The following DZIP1 variants were observed in gnomAD, a reference collection of about 807,000 sequenced individuals.
DZIP1 encodes DAZ interacting zinc finger protein 1.
Under a neutral mutation model 107.6 loss-of-function variants are expected in DZIP1, and 97 were observed. That is an observed-to-expected ratio of 0.90 (90% CI 0.77 to 1.07). The LOEUF (loss-of-function observed/expected upper bound fraction) is 1.07. DZIP1 is among the 50% of genes least tolerant of loss of function. The probability of loss-of-function intolerance (pLI) is 0.00; values close to 1 mark genes in which losing one functional copy is unlikely to be tolerated. For missense variants in DZIP1, 1,035 were observed against 1,063.6 expected, an observed-to-expected ratio of 0.97 and a Z score of 0.37; for synonymous variants, 390 against 386.4, an observed-to-expected ratio of 1.01 and a Z score of -0.11.
At chr13:95,603,578 G>A (rs996531282) in intron 14 of DZIP1, among the ~76,000 whole-genome samples, 1 of 152,028 alleles carries the variant, frequency 6.6e-6, no homozygotes, top group African/African-American at 2.4e-5. Context: ...CAGTTTAACA[G>A]CAACAAAGTA....
intron 16 of DZIP1, among the ~76,000 whole-genome samples, chr13:95,592,955 A>AG (rs2044351779): frequency 6.6e-6 from 1 of 152,184 alleles, no homozygotes; most frequent in African/African-American, 2.4e-5. Flanking sequence ...ATTGGGAAGT[A>AG]GGGGGTGATA....
intron 13 of DZIP1, among the ~76,000 whole-genome samples, chr13:95,606,678 G>A (rs1435584832): frequency 6.6e-6 from 1 of 152,164 alleles, no homozygotes; most frequent in African/African-American, 2.4e-5. Flanking sequence ...CTGTTTAGCT[G>A]TTATGAATAA....
At chr13:95,620,701 A>G (rs1254846008) in intron 9 of DZIP1, among the ~76,000 whole-genome samples, 1 of 152,194 alleles carries the variant, frequency 6.6e-6, no homozygotes, top group Non-Finnish European at 1.5e-5. Context: ...GTAACACTTT[A>G]TTTGCAAAAG....
chr13:95,618,373 A>G (rs1409415234), intron 10 of DZIP1, among the ~76,000 whole-genome samples: 2 of 152,234 alleles, frequency 1.3e-5, no homozygotes, highest in East Asian at 1.9e-4. Flanking sequence ...GTATATGTGT[A>G]TATCTATAGA....
chr13:95,620,697 C>A (rs934528216), intron 9 of DZIP1, among the ~76,000 whole-genome samples: 2 of 152,150 alleles, frequency 1.3e-5, no homozygotes, highest in African/African-American at 4.8e-5. Flanking sequence ...GCCAGTAACA[C>A]TTTATTTGCA....
At chr13:95,624,602 T>C (rs748085668) in intron 8 of DZIP1, among the ~76,000 whole-genome samples, 166 bp downstream of exon 8, 2 of 152,164 alleles carry the variant, frequency 1.3e-5, no homozygotes, top group South Asian at 4.1e-4. Flanking sequence ...GCAAAACATC[T>C]CTGACTCACT....
chr13:95,603,511 G>T (rs139513773), intron 14 of DZIP1, among the ~76,000 whole-genome samples: 2 of 152,038 alleles, frequency 1.3e-5, no homozygotes, highest in East Asian at 1.9e-4. Flanking sequence ...TGCACTCGTC[G>T]CTCTAAAAGT....
In DZIP1 at chr13:95,590,554, G is replaced by T. The variant is rs2044284941; in HGVS notation, c.1681-113C>A. ...AATCCATCCTTACAGGGCTCCAGTT[G>T]TGTGTAGAGGGTAAGGGTGCCCCAA... is the stretch of plus-strand genomic sequence containing the variant. On this transcript the variant is annotated intron_variant, in intron 16 of 22. Coordinates refer to ENST00000376829, the MANE Select transcript of DZIP1 (RefSeq NM_198968.4). 6.4e-6 allele frequency: 7 copies of T among 1,095,868 alleles called. No homozygotes were observed. The African/African-American group carries it at 8.0e-5, about 12-fold the overall frequency. 67.9% of individuals were successfully genotyped at this position (1,095,868 alleles called of 1,614,324 possible). A position where few individuals can be genotyped will look rare whatever the true frequency, so the allele number is the denominator to read the frequency against.
At chr13:95,611,931 C>T (rs1240335209) in intron 11 of DZIP1, 106 bp downstream of exon 11, 1 of 1,374,560 alleles carries the variant, frequency 7.3e-7, no homozygotes, top group Admixed American at 2.6e-5. Flanking sequence ...AATATTCCAT[C>T]TTCCTCACCT....
intron 5 of DZIP1, among the ~76,000 whole-genome samples, chr13:95,637,574 T>A (rs1220135361): frequency 2.0e-5 from 3 of 150,234 alleles, no homozygotes; most frequent in African/African-American, 7.4e-5. Flanking sequence ...CCCTTCACTT[T>A]AAAAAAAGAA....
At chr13:95,600,759 T>G in intron 14 of DZIP1, among the ~76,000 whole-genome samples, 1 of 152,152 alleles carries the variant, frequency 6.6e-6, no homozygotes, top group East Asian at 1.9e-4. Context: ...TCAAGTTAAC[T>G]TCTGGAATAC....
At chr13:95,605,496 AAT>A (rs2044746378) in intron 14 of DZIP1, among the ~76,000 whole-genome samples, 1 of 152,236 alleles carries the variant, frequency 6.6e-6, no homozygotes. Context: ...GAACCCTGGT[AAT>A]GATTTCACCC....
At chr13:95,595,122 A>G (rs2044409502) in intron 15 of DZIP1, among the ~76,000 whole-genome samples, 1 of 152,244 alleles carries the variant, frequency 6.6e-6, no homozygotes, top group South Asian at 2.1e-4. Flanking sequence ...ATCAAATGCC[A>G]TTTCCTAGGT....
At chr13:95,613,750 T>C (rs1874682319) in intron 10 of DZIP1, among the ~76,000 whole-genome samples, 2 of 152,230 alleles carry the variant, frequency 1.3e-5, no homozygotes, top group Non-Finnish European at 2.9e-5. Context: ...GACACATGTT[T>C]TGGCCCCATC....
chr13:95,608,387 C>T (rs2044852669), intron 13 of DZIP1, among the ~76,000 whole-genome samples: 1 of 149,936 alleles, frequency 6.7e-6, no homozygotes, highest in South Asian at 2.1e-4. Context: ...TCCCACATTC[C>T]AATAGATAAT....
chr13:95,584,110 A>G (rs977228667), intron 22 of DZIP1, among the ~76,000 whole-genome samples: 1 of 151,736 alleles, frequency 6.6e-6, no homozygotes, highest in African/African-American at 2.4e-5. Context: ...CCAAGTAGCT[A>G]GGACTACAGG....
At chr13:95,636,543 C>CAAAAAAAA (rs58289509) in intron 5 of DZIP1, among the ~76,000 whole-genome samples, 2 of 118,274 alleles carry the variant, frequency 1.7e-5, no homozygotes, top group African/African-American at 6.9e-5. Context: ...GACCTTGACT[C>CAAAAAAAA]AAAAAAAAAA....
At chr13:95,635,793 C>T (rs1434740685) in intron 5 of DZIP1, among the ~76,000 whole-genome samples, 2 of 152,118 alleles carry the variant, frequency 1.3e-5, no homozygotes, top group African/African-American at 4.8e-5. Context: ...AACTGCAATA[C>T]GGCCACTCTA....
intron 13 of DZIP1, among the ~76,000 whole-genome samples, chr13:95,606,603 G>A (rs1458693779): frequency 6.6e-6 from 1 of 152,172 alleles, no homozygotes; most frequent in Non-Finnish European, 1.5e-5. Context: ...ATAACATTCT[G>A]TGTTATAAAC....
Sources: allele counts gnomAD v4.1 joint callset (sites outside exome capture counted in the v4.1 genomes callset), GRCh38; gene constraint gnomAD v4.1.1; transcripts MANE v1.5; gene names NCBI Gene and HGNC (gene_info 2026-07-23, HGNC 2026-07-21).